The following AGO4 variants were observed in gnomAD, a reference collection of about 807,000 sequenced individuals.
AGO4 encodes the protein protein argonaute-4.
In AGO4, 33 loss-of-function variants were observed where a neutral mutation model predicts 104.7. The observed-to-expected ratio is 0.32, with a 90% CI of 0.24 to 0.42. AGO4 has a LOEUF of 0.42. AGO4 is among the 10% of genes least tolerant of loss of function. The pLI is 1.00. For synonymous variants in AGO4, 331 were observed against 364.7 expected (o/e 0.91, Z 1.05); for missense variants, 711 against 1,083.4 (o/e 0.66, Z 4.83).
chr1:35,830,279 G>A (rs1308489551), intron 7 of AGO4, among the ~76,000 whole-genome samples: 1 of 151,948 alleles, frequency 6.6e-6, no homozygotes, highest in African/African-American at 2.4e-5. Context: ...TCATGTATTT[G>A]GTCTTGTTGT....
intron 15 of AGO4, among the ~76,000 whole-genome samples, chr1:35,843,701 C>T (rs547946402): frequency 1.4e-4 from 22 of 152,210 alleles, no homozygotes; most frequent in African/African-American, 5.1e-4. Flanking sequence ...AATACAAATT[C>T]GTTGAACTCT....
Position 35,854,347 on chromosome 1 carries a change from A to C in AGO4, c.*742A>C, listed in dbSNP as rs188774332. On this transcript the variant is annotated 3_prime_UTR_variant, in exon 18 of 18. Coordinates refer to ENST00000373210, the MANE Select transcript of AGO4 (RefSeq NM_017629.4). ...TGACGGAGATAACACTGCCATGATA[A>C]AAGTACTCATGTTTCCCCTATTTGG... The C allele has an allele frequency of 2.6e-5, 4 of 152,786 alleles. No homozygotes were observed. Among genetic ancestry groups the C allele is most frequent in the African/African-American group, 9.6e-5 (4 of 41,574 alleles). The allele number at this position is 152,786 out of a possible 1,614,324, so 9.5% of individuals were successfully genotyped here.
In AGO4 at chr1:35,853,512, T is replaced by C. The variant is rs879147474; in HGVS notation, c.2493T>C (p.His831=). 3.7e-6 allele frequency: 6 copies of C among 1,612,488 alleles called. No homozygotes were observed. Among genetic ancestry groups the C allele is most frequent in the South Asian group, 1.1e-5 (1 of 90,856 alleles). ...CTCTTTACAGTGCGGAAGGCAGTCA[T>C]GTGTCAGGACAGAGCAACGGCCGGG... ...DKDHDSAEGS[H]VSGQSNGRDP... The change falls in exon 18 of 18, where the codon CAT becomes CAC. Residue 831 remains histidine, a synonymous_variant. Coordinates refer to ENST00000373210, the MANE Select transcript of AGO4 (RefSeq NM_017629.4).
chr1:35,850,342 T>A, intron 16 of AGO4, 84 bp downstream of exon 16: 1 of 1,018,620 alleles, frequency 9.8e-7, no homozygotes, highest in Non-Finnish European at 1.6e-6. Flanking sequence ...ACTTGTTATT[T>A]AACACCGTGC....
At chr1:35,814,175 AAGAT>A (rs1441987991) in intron 1 of AGO4, among the ~76,000 whole-genome samples, 1 of 151,962 alleles carries the variant, frequency 6.6e-6, no homozygotes, top group Non-Finnish European at 1.5e-5. Flanking sequence ...GAGAGAAAGA[AAGAT>A]AATTATGATT....
chr1:35,856,292 A>G lies in AGO4; in HGVS notation c.*2687A>G, dbSNP rs1644814572. 6.6e-6 allele frequency: 1 copy of G among 152,248 alleles called. No homozygotes were observed. Among genetic ancestry groups the G allele is most frequent in the Non-Finnish European group, 1.5e-5 (1 of 68,052 alleles). 9.4% of individuals were successfully genotyped at this position (152,248 alleles called of 1,614,324 possible). On this transcript the variant is annotated 3_prime_UTR_variant, in exon 18 of 18. Transcript: ENST00000373210. ...TCAGAGTTGCAGCAATATGATTGCA[A>G]GCAAGTCTGAATGCATAGTTTTACT...
In AGO4 at chr1:35,851,034, G is replaced by A; in HGVS notation, c.2458G>A (p.Val820Met). ...LVAFRARYHL[V>M]DKDHDSAEGS... The stretch of plus-strand genomic sequence containing the variant: ...AGCATTTAGGGCAAGGTATCATCTG[G>A]TGGATAAAGATCATGACAGGCAAGT... The change falls in exon 17 of 18, where the codon GTG becomes ATG. Residue 820 changes from valine (V) to methionine (M), a missense_variant. This residue lies in a region of AGO4 where 401 missense variants were observed against 665.5 expected (regional missense o/e 0.60). Coordinates refer to ENST00000373210, the MANE Select transcript of AGO4 (RefSeq NM_017629.4). 1 of 1,612,464 alleles carries A rather than the reference G, an allele frequency of 6.2e-7. No individual in the cohort carries two copies.
intron 2 of AGO4, among the ~76,000 whole-genome samples, chr1:35,820,968 A>G (rs1254994806): frequency 2.0e-5 from 3 of 152,196 alleles, no homozygotes; most frequent in African/African-American, 7.2e-5. Flanking sequence ...GAAACAGACA[A>G]GTGAAAGATT....
Position 35,841,401 on chromosome 1 carries a change from A to C in AGO4, c.1961A>C (p.Gln654Pro). ...LTNMVRELLIQFYKSTRFKPT... is the reference protein window; with the variant it reads ...LTNMVRELLIPFYKSTRFKPT... ...AACATGGTTCGAGAGCTGCTGATTC[A>C]GTTCTACAAATCCACACGCTTCAAA... Residue 654 changes from glutamine to proline, a missense_variant, in exon 14 of 18, where the codon CAG becomes CCG. By Grantham distance (76) the Gln-to-Pro change is moderately conservative (BLOSUM62 -1). This residue lies in a region of AGO4 where 401 missense variants were observed against 665.5 expected (regional missense o/e 0.60). Coordinates refer to ENST00000373210, the MANE Select transcript of AGO4 (RefSeq NM_017629.4). This position sits in a 1 kb window ranked among gnomAD's most constrained non-coding sequence, Gnocchi z 4.7. 6.2e-7 allele frequency: 1 copy of C among 1,614,188 alleles called. No individual in the cohort carries two copies. Among genetic ancestry groups the C allele is most frequent in the Non-Finnish European group, 8.5e-7 (1 of 1,180,032 alleles).
At chr1:35,847,372 T>C (rs1283078297) in intron 15 of AGO4, among the ~76,000 whole-genome samples, 2 of 152,144 alleles carry the variant, frequency 1.3e-5, no homozygotes, top group Non-Finnish European at 2.9e-5. Flanking sequence ...TAGCTGGGAT[T>C]ACAGGCACAT....
At chr1:35,811,365 T>A (rs1643497750) in intron 1 of AGO4, among the ~76,000 whole-genome samples, 1 of 150,912 alleles carries the variant, frequency 6.6e-6, no homozygotes, top group Non-Finnish European at 1.5e-5. Context: ...CTGAGGCTGC[T>A]GCAGGAGAAT....
In AGO4 at chr1:35,841,006, A is replaced by G. The variant is rs1644428695; in HGVS notation, c.1725-159A>G. Among the ~76,000 whole-genome samples, 1 of 152,218 alleles carries G rather than the reference A, an allele frequency of 6.6e-6. No homozygotes were observed. Among genetic ancestry groups the G allele is most frequent in the Admixed American group, 6.5e-5 (1 of 15,284 alleles). On this transcript the variant is annotated intron_variant, in intron 13 of 17. Transcript: ENST00000373210. The surrounding 1 kb of genome is among the most constrained non-coding windows in gnomAD (Gnocchi z 4.7). The stretch of plus-strand genomic sequence containing the variant: ...GTCCAGAGTCACTGTACTGGGTGAC[A>G]TCAATATTCAGTGGTCCGTAGTGTT...
chr1:35,827,619 A>G (rs1257854675), intron 7 of AGO4, among the ~76,000 whole-genome samples: 1 of 152,120 alleles, frequency 6.6e-6, no homozygotes, highest in African/African-American at 2.4e-5. Flanking sequence ...TTTTCTGAAT[A>G]TTTTTGGTAG....
intron 15 of AGO4, among the ~76,000 whole-genome samples, chr1:35,844,914 A>C (rs576657985): frequency 6.6e-6 from 1 of 152,148 alleles, no homozygotes. Context: ...TTCTCACATC[A>C]AACTTTAATT....
chr1:35,826,726 T>C, intron 6 of AGO4, 22 bp from the exon 7 acceptor site: 7 of 1,600,690 alleles, frequency 4.4e-6, no homozygotes, highest in Admixed American at 1.7e-5. Context: ...ACTGATGTTT[T>C]GCCTTTTAAA....
At chr1:35,826,966 C>T in intron 7 of AGO4, 131 bp downstream of exon 7, 1 of 878,984 alleles carries the variant, frequency 1.1e-6, no homozygotes, top group South Asian at 1.8e-5. Context: ...CTTTGAGAGG[C>T]CGAGGTAGGT....
chr1:35,816,819 AAAG>A lies in AGO4; in HGVS notation c.20-60_20-58del, dbSNP rs1643722293. The A allele has an allele frequency of 8.2e-6, 12 of 1,455,174 alleles. No homozygotes were observed. The South Asian group carries it at 1.2e-4, about 14-fold the overall frequency. 90.1% of individuals were successfully genotyped at this position (1,455,174 alleles called of 1,614,324 possible). The stretch of plus-strand genomic sequence containing the variant: ...GTCTCAAAAAAAAAAAAAAAAAAAA[AAAG>A]AAAGAAAGAAAGAAAAAGAAAAAAA... On this transcript the variant is annotated intron_variant, in intron 1 of 17. Transcript: ENST00000373210.
chr1:35,851,095 AGCATGTT>A (rs1415174638), intron 17 of AGO4, 42 bp downstream of exon 17: 6 of 1,532,544 alleles, frequency 3.9e-6, no homozygotes, highest in Admixed American at 4.1e-5. Context: ...ATATTTTAGT[AGCATGTT>A]AAAAAAAATG....
intron 12 of AGO4, among the ~76,000 whole-genome samples, chr1:35,835,597 A>G (rs1644294138): frequency 6.6e-6 from 1 of 152,160 alleles, no homozygotes; most frequent in Non-Finnish European, 1.5e-5. Flanking sequence ...TAAAGGAAGC[A>G]GACTGGCTGC....
Sources: gnomAD v4.1 joint callset for allele counts (sites outside exome capture counted in the v4.1 genomes callset) on GRCh38, gnomAD v4.1.1 for gene constraint, gnomAD v4.1.1 regional missense constraint, Gnocchi (gnomAD v3.1) non-coding constraint, MANE v1.5 for transcripts, NCBI Gene and HGNC (gene_info 2026-07-23, HGNC 2026-07-21) for gene names.